The following SSBP2 variants were observed in gnomAD, a reference collection of about 807,000 sequenced individuals.
SSBP2 encodes single stranded DNA binding protein 2.
A neutral mutation model predicts 61.8 loss-of-function variants in SSBP2; 17 were observed. The observed-to-expected ratio is 0.28, with a 90% CI of 0.19 to 0.41. The LOEUF is 0.41. SSBP2 is among the 10% of genes least tolerant of loss of function. The pLI is 1.00. For missense variants in SSBP2, 310 were observed against 458.7 expected, an observed-to-expected ratio of 0.68 and a Z score of 2.96; for synonymous variants, 139 against 141.3, an observed-to-expected ratio of 0.98 and a Z score of 0.12.
At chr5:81,422,912 A>G (rs1761700776) in intron 16 of SSBP2, among the ~76,000 whole-genome samples, 1 of 152,232 alleles carries the variant, frequency 6.6e-6, no homozygotes, top group Non-Finnish European at 1.5e-5. Flanking sequence ...TGTTTACTCA[A>G]TTGATTCCAT....
intron 4 of SSBP2, among the ~76,000 whole-genome samples, chr5:81,578,242 A>T (rs62368677): frequency 6.6e-6 from 1 of 151,890 alleles, no homozygotes; most frequent in Non-Finnish European, 1.5e-5. Context: ...CTATTTCCAA[A>T]TAAGAATCAG....
intron 1 of SSBP2, among the ~76,000 whole-genome samples, chr5:81,750,363 CGCGTCTCCGCGCCCCGCGG>C (rs1219137330): frequency 1.4e-5 from 2 of 145,868 alleles, no homozygotes; most frequent in East Asian, 2.0e-4. Context: ...GCGCCCCGCG[CGCGTCTCCGCGCCCCGCGG>C]GGCCCCGCTC....
chr5:81,453,900 A>G (rs1465215346), intron 10 of SSBP2, among the ~76,000 whole-genome samples: 3 of 152,246 alleles, frequency 2.0e-5, no homozygotes, highest in Non-Finnish European at 2.9e-5. Flanking sequence ...TACAAAACCA[A>G]GGAGTCAAAT....
At chr5:81,750,824 C>T (rs1299244816) in intron 1 of SSBP2, 157 bp downstream of exon 1, 16 of 841,554 alleles carry the variant, frequency 1.9e-5, no homozygotes, top group Non-Finnish European at 2.6e-5. Flanking sequence ...GCGCAGCTCC[C>T]CGCACCACAC....
chr5:81,612,030 A>C (rs1745501600), intron 4 of SSBP2, among the ~76,000 whole-genome samples: 1 of 152,130 alleles, frequency 6.6e-6, no homozygotes, highest in Non-Finnish European at 1.5e-5. Flanking sequence ...AATAAAGCAA[A>C]AAGGGGAGAA....
At chr5:81,520,379 C>T (rs1410768451) in intron 4 of SSBP2, among the ~76,000 whole-genome samples, 1 of 152,054 alleles carries the variant, frequency 6.6e-6, no homozygotes, top group African/African-American at 2.4e-5. Flanking sequence ...CATTGGTGTT[C>T]ACAATTTTTT....
chr5:81,709,140 G>C (rs993338414), intron 1 of SSBP2, among the ~76,000 whole-genome samples: 4 of 151,868 alleles, frequency 2.6e-5, no homozygotes, highest in Admixed American at 6.6e-5. Context: ...ATTTGCAAAG[G>C]CTAAAACACA....
intron 3 of SSBP2, among the ~76,000 whole-genome samples, chr5:81,631,705 C>T (rs1488783421): frequency 5.9e-5 from 9 of 152,006 alleles, no homozygotes; most frequent in Non-Finnish European, 4.4e-5. Context: ...AAAGACTATC[C>T]TTCACTCTCT....
intron 1 of SSBP2, among the ~76,000 whole-genome samples, chr5:81,745,049 T>C (rs1242009444): frequency 6.6e-6 from 1 of 152,160 alleles, no homozygotes; most frequent in Non-Finnish European, 1.5e-5. Context: ...TCTTAACTAT[T>C]AACTTACATG....
At chr5:81,520,169 G>C (rs1381030527) in intron 4 of SSBP2, among the ~76,000 whole-genome samples, 1 of 151,908 alleles carries the variant, frequency 6.6e-6, no homozygotes, top group African/African-American at 2.4e-5. Context: ...ATTTTTAGTA[G>C]AGACAGGGTT....
chr5:81,590,049 CA>C (rs1425944315), intron 4 of SSBP2, among the ~76,000 whole-genome samples: 1 of 152,088 alleles, frequency 6.6e-6, no homozygotes, highest in Admixed American at 6.5e-5. Flanking sequence ...CATACCACAC[CA>C]GGACCTATAT....
intron 1 of SSBP2, among the ~76,000 whole-genome samples, chr5:81,740,983 T>C (rs1164883534): frequency 1.3e-5 from 2 of 152,168 alleles, no homozygotes; most frequent in African/African-American, 4.8e-5. Context: ...CCCATCCTCA[T>C]GCCACCTCCC....
intron 8 of SSBP2, among the ~76,000 whole-genome samples, chr5:81,467,936 C>T (rs1765003697): frequency 6.6e-6 from 1 of 151,950 alleles, no homozygotes; most frequent in African/African-American, 2.4e-5. Flanking sequence ...TTATCTGCCA[C>T]CATTTGTTCA....
At position 81,428,568 on chromosome 5, in the gene SSBP2, G is replaced by T. The variant is rs767225673; in HGVS notation, c.1056+17C>A. The T allele has an allele frequency of 1.1e-5, 17 of 1,590,330 alleles. No individual in the cohort carries two copies. The South Asian group carries it at 1.8e-4, about 17-fold the overall frequency. The stretch of plus-strand genomic sequence containing the variant: ...AGAAATAAAATTTGAGTATAATATA[G>T]TCAAGGGAATACTTACACTCTCACT... On this transcript the variant is annotated intron_variant, in intron 16 of 16. Coordinates refer to ENST00000320672, the MANE Select transcript of SSBP2 (RefSeq NM_012446.5).
At chr5:81,445,138 T>TATA (rs1453692261) in intron 12 of SSBP2, among the ~76,000 whole-genome samples, 1,941 of 33,840 alleles carry the variant, frequency 0.057, 397 homozygotes, top group African/African-American at 0.092. Context: ...AAAAAAAATT[T>TATA]TATATATATA....
intron 4 of SSBP2, among the ~76,000 whole-genome samples, chr5:81,523,986 C>T (rs1007790060): frequency 1.3e-5 from 2 of 152,042 alleles, no homozygotes; most frequent in Non-Finnish European, 2.9e-5. Flanking sequence ...AAGATGGAAG[C>T]CTTTGTCTCT....
chr5:81,534,551 C>T (rs1030961441), intron 4 of SSBP2, among the ~76,000 whole-genome samples: 2 of 152,146 alleles, frequency 1.3e-5, no homozygotes, highest in Non-Finnish European at 2.9e-5. Flanking sequence ...AGATCAAAAA[C>T]ACTGTTACAC....
chr5:81,690,423 C>T (rs1753115418), intron 1 of SSBP2, among the ~76,000 whole-genome samples: 2 of 151,980 alleles, frequency 1.3e-5, no homozygotes, highest in Admixed American at 6.6e-5. Context: ...TCCATGCAAA[C>T]AGAAACCTAA....
chr5:81,447,045 TTTTC>T (rs1309008726), intron 11 of SSBP2, 123 bp from the exon 12 acceptor site: 3 of 662,712 alleles, frequency 4.5e-6, no homozygotes, highest in African/African-American at 1.8e-5. Context: ...CTCTAATTTA[TTTTC>T]TTTGACTGCA....
Sources: gnomAD v4.1 joint callset for allele counts (sites outside exome capture counted in the v4.1 genomes callset) on GRCh38, gnomAD v4.1.1 for gene constraint, MANE v1.5 for transcripts, NCBI Gene and HGNC (gene_info 2026-07-23, HGNC 2026-07-21) for gene names.